KCNMB2: variants seen among roughly 807,000 people sequenced by gnomAD.
KCNMB2 encodes calcium-activated potassium channel subunit beta-2.
KCNMB2 carries 9 observed loss-of-function variants against 24.5 expected under a neutral mutation model. The ratio of observed to expected loss-of-function variants is 0.37; its 90% CI spans 0.22 to 0.64. The LOEUF (loss-of-function observed/expected upper bound fraction) is 0.64, where lower values mean the gene tolerates loss of function less well. KCNMB2 is among the 30% of genes least tolerant of loss of function. The pLI is 0.63. For missense variants in KCNMB2, 226 were observed against 284.3 expected, an observed-to-expected ratio of 0.79 and a Z score of 1.47; for synonymous variants, 109 against 104.4, an observed-to-expected ratio of 1.04 and a Z score of -0.27.
In KCNMB2 at chr3:178,686,363, A is replaced by G. The variant is rs1166733670; in HGVS notation, c.-67-120980A>G. Among the ~76,000 whole-genome samples the G allele has an allele frequency of 2.0e-5, 3 of 152,298 alleles. No homozygotes were observed. The East Asian group carries it at 5.8e-4, about 29-fold the overall frequency. ...GGTAGTCATGAAGAAATATGATTTA[A>G]TTTTCTTTAAAAGTGATCTATTGGT... On this transcript the variant is annotated intron_variant, in intron 1 of 4. Coordinates refer to ENST00000452583, the MANE Select transcript of KCNMB2 (RefSeq NM_181361.3).
At chr3:178,643,858 C>T (rs1005503081) in intron 1 of KCNMB2, among the ~76,000 whole-genome samples, 5 of 152,212 alleles carry the variant, frequency 3.3e-5, no homozygotes, top group South Asian at 2.1e-4. Flanking sequence ...TGTCTGAGAA[C>T]GCCAACTCTG....
chr3:178,767,667 C>A (rs919314733), intron 1 of KCNMB2, among the ~76,000 whole-genome samples: 1 of 152,032 alleles, frequency 6.6e-6, no homozygotes, highest in Admixed American at 6.6e-5. Context: ...GAGATGATGC[C>A]CCAAACATCT....
intron 1 of KCNMB2, among the ~76,000 whole-genome samples, chr3:178,752,513 T>C (rs1163977325): frequency 6.6e-6 from 1 of 152,164 alleles, no homozygotes; most frequent in Non-Finnish European, 1.5e-5. Flanking sequence ...TTATGGTCTA[T>C]CTTGGAGGTA....
At chr3:178,566,632 G>T (rs1212741306) in intron 1 of KCNMB2, among the ~76,000 whole-genome samples, 1 of 151,382 alleles carries the variant, frequency 6.6e-6, no homozygotes, top group Non-Finnish European at 1.5e-5. Context: ...TGTCAGAGAG[G>T]AATAACATAT....
Position 178,580,939 on chromosome 3 carries a change from T to C in KCNMB2, c.-68+44228T>C, listed in dbSNP as rs9862537. Reference sequence around the variant, plus strand: ...ATCAATATAGTTAAAATGGCCATAATGCCCAAAATAATTTATAGATTCAAT... The same window carrying C: ...ATCAATATAGTTAAAATGGCCATAACGCCCAAAATAATTTATAGATTCAAT... On this transcript the variant is annotated intron_variant, in intron 1 of 4. Coordinates refer to ENST00000452583, the MANE Select transcript of KCNMB2 (RefSeq NM_181361.3). Among the ~76,000 whole-genome samples the C allele has an allele frequency of 5.3e-3, 809 of 152,256 alleles. 4 individuals are homozygous for C. Among genetic ancestry groups the C allele is most frequent in the African/African-American group, 0.019 (773 of 41,548 alleles).
chr3:178,572,292 C>G (rs571110860), intron 1 of KCNMB2, among the ~76,000 whole-genome samples: 1 of 152,136 alleles, frequency 6.6e-6, no homozygotes, highest in Non-Finnish European at 1.5e-5. Context: ...ACAATTATAT[C>G]CATACATAGA....
At position 178,625,341 on chromosome 3, in the gene KCNMB2, C is replaced by A. The variant is rs918879234; in HGVS notation, c.-68+88630C>A. Among the ~76,000 whole-genome samples, 5 of 152,182 alleles carry A rather than the reference C, an allele frequency of 3.3e-5. No homozygotes were observed. The East Asian group carries it at 5.8e-4, about 18-fold the overall frequency. On this transcript the variant is annotated intron_variant, in intron 1 of 4. Transcript: ENST00000452583. Reference sequence around the variant, plus strand: ...CCCAGGCCCAGGAGCTGGACCCCCCCACCCCAACTAAGGCCTGGAAGTCGG... The same window carrying A: ...CCCAGGCCCAGGAGCTGGACCCCCCAACCCCAACTAAGGCCTGGAAGTCGG...
intron 1 of KCNMB2, among the ~76,000 whole-genome samples, chr3:178,679,057 TG>T (rs1414608241): frequency 3.7e-5 from 5 of 134,802 alleles, no homozygotes; most frequent in Admixed American, 1.4e-4. Flanking sequence ...GTTTTGTTTT[TG>T]TTTTTTTTAT....
Position 178,825,627 on chromosome 3 carries a change from C to T in KCNMB2, c.96C>T (p.Asp32=), listed in dbSNP as rs1372084396. 3 of 1,613,762 alleles carry T rather than the reference C, an allele frequency of 1.9e-6. No individual in the cohort carries two copies. The African/African-American group carries it at 4.0e-5, about 22-fold the overall frequency. ...AAATCAGGGACCATGACCTCCTGGA[C>T]AAAAGGAAAACAGTCACAGCACTGA... ...YQKIRDHDLL[D]KRKTVTALKA... Residue 32 remains aspartate (D), a synonymous_variant, in exon 3 of 5, where the codon GAC becomes GAT. Coordinates refer to ENST00000452583, the MANE Select transcript of KCNMB2 (RefSeq NM_181361.3).
intron 4 of KCNMB2, among the ~76,000 whole-genome samples, chr3:178,836,836 T>C (rs1025009427): frequency 5.3e-5 from 8 of 152,204 alleles, no homozygotes; most frequent in Admixed American, 2.6e-4. Context: ...GATGGATGTT[T>C]ATTTTTTCTA....
At chr3:178,607,052 T>C (rs994093280) in intron 1 of KCNMB2, among the ~76,000 whole-genome samples, 7 of 152,168 alleles carry the variant, frequency 4.6e-5, no homozygotes, top group African/African-American at 1.7e-4. Flanking sequence ...CAACCCAGCT[T>C]ATGGTAGTTT....
intron 1 of KCNMB2, among the ~76,000 whole-genome samples, chr3:178,782,513 G>C (rs1233592890): frequency 6.7e-6 from 1 of 150,130 alleles, no homozygotes; most frequent in African/African-American, 2.4e-5. Context: ...TCTCATTGTG[G>C]TTTTGATTTG....
chr3:178,751,870 G>T (rs1281782437), intron 1 of KCNMB2, among the ~76,000 whole-genome samples: 1 of 152,204 alleles, frequency 6.6e-6, no homozygotes. Flanking sequence ...AATATATCCA[G>T]TGCTTTGCAG....
At chr3:178,577,595 C>T (rs1425196754) in intron 1 of KCNMB2, among the ~76,000 whole-genome samples, 1 of 152,050 alleles carries the variant, frequency 6.6e-6, no homozygotes, top group Non-Finnish European at 1.5e-5. Context: ...CACGTTCTAA[C>T]CCAATACAAG....
At chr3:178,714,598 C>T (rs779296970) in intron 1 of KCNMB2, among the ~76,000 whole-genome samples, 4 of 152,244 alleles carry the variant, frequency 2.6e-5, no homozygotes, top group South Asian at 2.1e-4. Context: ...AGGAACAGTG[C>T]GCAGAAGTGA....
chr3:178,767,847 G>C (rs1712185426), intron 1 of KCNMB2, among the ~76,000 whole-genome samples: 1 of 152,152 alleles, frequency 6.6e-6, no homozygotes, highest in African/African-American at 2.4e-5. Flanking sequence ...ATGTAGATTT[G>C]TGGCTCTTCA....
intron 3 of KCNMB2, among the ~76,000 whole-genome samples, chr3:178,827,706 T>C (rs1714887615): frequency 6.6e-6 from 1 of 152,166 alleles, no homozygotes; most frequent in Admixed American, 6.6e-5. Flanking sequence ...TCCACTCCTT[T>C]GCCATCTCTC....
intron 1 of KCNMB2, among the ~76,000 whole-genome samples, chr3:178,778,455 GACACACACACAC>G (rs71628070): frequency 3.9e-4 from 50 of 127,548 alleles, no homozygotes; most frequent in Non-Finnish European, 5.0e-4. Context: ...TACCCTTTAA[GACACACACACAC>G]ACACACACAC....
At chr3:178,574,865 C>T (rs1716934450) in intron 1 of KCNMB2, among the ~76,000 whole-genome samples, 1 of 152,092 alleles carries the variant, frequency 6.6e-6, no homozygotes, top group African/African-American at 2.4e-5. Flanking sequence ...GTCAGGAGTT[C>T]AAGACCAGCC....
Sources: gnomAD v4.1 joint callset for allele counts (sites outside exome capture counted in the v4.1 genomes callset) on GRCh38, gnomAD v4.1.1 for gene constraint, MANE v1.5 for transcripts, NCBI Gene and HGNC (gene_info 2026-07-23, HGNC 2026-07-21) for gene names.